The following MYBL1 variants were observed in gnomAD, a reference collection of about 807,000 sequenced individuals.
MYBL1 encodes the protein myb-related protein A.
A neutral mutation model predicts 96.3 loss-of-function variants in MYBL1; 17 were observed. The ratio of observed to expected loss-of-function variants is 0.18; its 90% confidence interval spans 0.12 to 0.26. The LOEUF (loss-of-function observed/expected upper bound fraction) is 0.26, where lower values mean the gene tolerates loss of function less well. MYBL1 is among the 10% of genes least tolerant of loss of function. The pLI, the probability that MYBL1 is intolerant of heterozygous loss-of-function variation, is 1.00. For missense variants in MYBL1, 701 were observed against 882.9 expected, an observed-to-expected ratio of 0.79 and a Z score of 2.61; for synonymous variants, 282 against 292.7, an observed-to-expected ratio of 0.96 and a Z score of 0.37.
intron 6 of MYBL1, 148 bp from the exon 7 acceptor site, chr8:66,593,342 CTT>C: frequency 6.1e-6 from 3 of 489,418 alleles, no homozygotes; most frequent in Non-Finnish European, 1.1e-5. Flanking sequence ...ACCTATAATA[CTT>C]TCTTATCTAT....
intron 1 of MYBL1, among the ~76,000 whole-genome samples, chr8:66,602,724 TATATATA>T (rs1239240597): frequency 5.4e-4 from 27 of 49,866 alleles, no homozygotes; most frequent in African/African-American, 2.5e-3. Context: ...TATATATATA[TATATATA>T]TATTTTTTTT....
At chr8:66,597,613 C>T (rs1809901505) in intron 4 of MYBL1, 63 bp from the exon 5 acceptor site, 1 of 986,418 alleles carries the variant, frequency 1.0e-6, no homozygotes. Context: ...AAACATAATT[C>T]AAGAATACCA....
intron 12 of MYBL1, among the ~76,000 whole-genome samples, chr8:66,567,646 A>G (rs953827499): frequency 2.0e-5 from 3 of 152,142 alleles, no homozygotes; most frequent in African/African-American, 7.2e-5. Flanking sequence ...CTTTCTGTCA[A>G]ATAGGTAAGC....
At chr8:66,602,726 TATATATA>T (rs1296181716) in intron 1 of MYBL1, among the ~76,000 whole-genome samples, 30 of 51,038 alleles carry the variant, frequency 5.9e-4, no homozygotes, top group African/African-American at 2.3e-3. Context: ...TATATATATA[TATATATA>T]TTTTTTTTTT....
chr8:66,609,733 A>C (rs1341027350), intron 1 of MYBL1, among the ~76,000 whole-genome samples: 1 of 152,036 alleles, frequency 6.6e-6, no homozygotes, highest in Non-Finnish European at 1.5e-5. Context: ...ACTTTTAAAT[A>C]AGATTACAAA....
intron 10 of MYBL1, among the ~76,000 whole-genome samples, chr8:66,575,483 A>G (rs960903669): frequency 2.6e-5 from 4 of 152,128 alleles, no homozygotes; most frequent in Non-Finnish European, 5.9e-5. Flanking sequence ...ATGTCCCTCT[A>G]AAAACTGTAG....
intron 3 of MYBL1, among the ~76,000 whole-genome samples, chr8:66,599,667 G>A (rs1056519836): frequency 2.0e-5 from 3 of 152,134 alleles, no homozygotes; most frequent in Non-Finnish European, 4.4e-5. Context: ...GGATGTGGTG[G>A]TGCATGCCTG....
At chr8:66,601,455 T>C (rs964185254) in intron 3 of MYBL1, among the ~76,000 whole-genome samples, 2 of 152,164 alleles carry the variant, frequency 1.3e-5, no homozygotes, top group African/African-American at 4.8e-5. Context: ...ACATTTATTA[T>C]CATTTTTGTT....
At chr8:66,581,327 G>A (rs1809202667) in intron 8 of MYBL1, among the ~76,000 whole-genome samples, 1 of 152,104 alleles carries the variant, frequency 6.6e-6, no homozygotes, top group East Asian at 1.9e-4. Flanking sequence ...TCTCCTGTAT[G>A]TTACCATAAA....
chr8:66,605,072 T>G (rs1810259277), intron 1 of MYBL1, among the ~76,000 whole-genome samples: 1 of 152,228 alleles, frequency 6.6e-6, no homozygotes, highest in African/African-American at 2.4e-5. Context: ...AAGTGAAATG[T>G]ACTTCAATAG....
intron 3 of MYBL1, among the ~76,000 whole-genome samples, 180 bp from the exon 4 acceptor site, chr8:66,599,322 T>C (rs958584670): frequency 2.0e-5 from 3 of 152,240 alleles, no homozygotes; most frequent in African/African-American, 7.2e-5. Context: ...TTCTTAATTA[T>C]AGTAGTCAAC....
chr8:66,564,784 T>C lies in MYBL1; in HGVS notation c.2172A>G (p.Glu724=). 6.3e-7 allele frequency: 1 copy of C among 1,581,828 alleles called. No individual in the cohort carries two copies. The highest frequency in any genetic ancestry group is 8.6e-7 in the Non-Finnish European group (1 of 1,160,658). Residue 724 remains glutamate, a synonymous_variant, in exon 16 of 16, where the codon GAA becomes GAG. Coordinates refer to ENST00000522677, the MANE Select transcript of MYBL1 (RefSeq NM_001080416.4). ...CTTGTTCAGTCATAATAAGTTGGTC[T>C]TCTGTCTTCCCATAAACCACTGTTT... is the stretch of plus-strand genomic sequence containing the variant. The part of the protein sequence containing the change: ...EWETVVYGKT[E]DQLIMTEQAR...
intron 1 of MYBL1, among the ~76,000 whole-genome samples, chr8:66,607,384 A>G (rs1260791815): frequency 6.6e-6 from 1 of 152,180 alleles, no homozygotes; most frequent in Non-Finnish European, 1.5e-5. Flanking sequence ...CACATTTGCC[A>G]ACCTCCACAT....
At chr8:66,566,487 A>T (rs932286981) in intron 14 of MYBL1, among the ~76,000 whole-genome samples, 197 bp downstream of exon 14, 11 of 152,120 alleles carry the variant, frequency 7.2e-5, no homozygotes, top group African/African-American at 2.2e-4. Context: ...CTCCTCTCAT[A>T]ACAAAAGAAA....
intron 5 of MYBL1, among the ~76,000 whole-genome samples, chr8:66,596,295 C>G (rs1387016549): frequency 6.6e-6 from 1 of 152,090 alleles, no homozygotes; most frequent in Non-Finnish European, 1.5e-5. Flanking sequence ...TCCCAGTATT[C>G]TTTTTCACTT....
Position 66,576,485 on chromosome 8 carries a change from T to C in MYBL1, c.1102-110A>G, listed in dbSNP as rs904054361. 6.3e-5 allele frequency: 80 copies of C among 1,278,214 alleles called. 2 individuals are homozygous for C. The highest frequency in any genetic ancestry group is 2.7e-4 in the South Asian group (18 of 65,880). 79.2% of individuals were successfully genotyped at this position (1,278,214 alleles called of 1,614,324 possible). The stretch of plus-strand genomic sequence containing the variant: ...GTTAATTAACAACTCATTTTATCAG[T>C]AAAAATGCTTTCCTTGGACATTTTT... On this transcript the variant is annotated intron_variant, in intron 9 of 15. Transcript: ENST00000522677.
intron 1 of MYBL1, 68 bp from the exon 2 acceptor site, chr8:66,602,591 T>G: frequency 9.5e-7 from 1 of 1,055,444 alleles, no homozygotes; most frequent in Non-Finnish European, 1.4e-6. Context: ...ACACTGAACT[T>G]GTGTGTGCAG....
chr8:66,568,828 C>T (rs903489270), intron 12 of MYBL1, among the ~76,000 whole-genome samples: 15 of 151,662 alleles, frequency 9.9e-5, no homozygotes, highest in Non-Finnish European at 1.8e-4. Context: ...AGTTCAAGAC[C>T]ATCCTGGCTA....
Position 66,563,003 on chromosome 8 carries a change from C to T in MYBL1, c.*1694G>A, listed in dbSNP as rs1257754599. The stretch of plus-strand genomic sequence containing the variant: ...CCCTTTTAGGTCTACTGTTCAAGAG[C>T]TAAGCATTAAAATACTTAGTATTTC... On this transcript the variant is annotated 3_prime_UTR_variant, in exon 16 of 16. Transcript: ENST00000522677. The T allele has an allele frequency of 6.6e-6, 1 of 151,624 alleles. No individual in the cohort carries two copies. The highest frequency in any genetic ancestry group is 6.6e-5 in the Admixed American group (1 of 15,144). The allele number at this position is 151,624 out of a possible 1,614,324, so 9.4% of individuals were successfully genotyped here.
Sources: gnomAD v4.1 joint callset for allele counts (sites outside exome capture counted in the v4.1 genomes callset) on GRCh38, gnomAD v4.1.1 for gene constraint, MANE v1.5 for transcripts, NCBI Gene and HGNC (gene_info 2026-07-23, HGNC 2026-07-21) for gene names.